Variants in OTUD7A observed in about 807,000 individuals in gnomAD.
The protein encoded by OTUD7A is OTU domain-containing protein 7A.
A neutral mutation model predicts 65.7 loss-of-function variants in OTUD7A; 12 were observed. The ratio of observed to expected loss-of-function variants is 0.18; its 90% CI spans 0.12 to 0.30. The LOEUF is 0.30. OTUD7A is among the 10% of genes least tolerant of loss of function. The pLI, the probability that OTUD7A is intolerant of heterozygous loss-of-function variation, is 1.00. For synonymous variants in OTUD7A, 641 were observed against 586.3 expected, an observed-to-expected ratio of 1.09 and a Z score of -1.35; for missense variants, 1,148 against 1,304.8, an observed-to-expected ratio of 0.88 and a Z score of 1.85.
In OTUD7A at chr15:31,870,510, C is replaced by A. The variant is rs1414918931; in HGVS notation, c.-103G>T. The A allele has an allele frequency of 9.4e-5, 14 of 148,562 alleles. No homozygotes were observed. The South Asian group carries it at 2.6e-3, about 27-fold the overall frequency. 9.2% of individuals were successfully genotyped at this position (148,562 alleles called of 1,614,324 possible). On this transcript the variant is annotated 5_prime_UTR_variant, in exon 1 of 13. Transcript: ENST00000307050. ...ACCGCGGCCAGCGCCGTCTTACCTG[C>A]CGCGCCGCGCCGCTCCGCTCCGCCA...
chr15:31,856,511 T>C (rs947000455), intron 1 of OTUD7A, among the ~76,000 whole-genome samples: 2 of 152,178 alleles, frequency 1.3e-5, no homozygotes, highest in African/African-American at 2.4e-5. Context: ...AGGAACAAAA[T>C]GCTGAGAGTG....
intron 1 of OTUD7A, among the ~76,000 whole-genome samples, chr15:31,847,676 G>A (rs566896095): frequency 2.6e-5 from 4 of 152,084 alleles, no homozygotes; most frequent in South Asian, 2.1e-4. Flanking sequence ...AAAGCCATGC[G>A]GACCTGTGTC....
At chr15:31,588,390 TA>T (rs1430764148) in intron 3 of OTUD7A, among the ~76,000 whole-genome samples, 1 of 152,128 alleles carries the variant, frequency 6.6e-6, no homozygotes, top group Non-Finnish European at 1.5e-5. Flanking sequence ...AAGGGAAAGG[TA>T]AACACAAACT....
intron 10 of OTUD7A, among the ~76,000 whole-genome samples, chr15:31,490,226 T>G (rs2041299832): frequency 1.3e-5 from 2 of 152,258 alleles, no homozygotes. Context: ...GCTTGCCCTC[T>G]GGTGGTAAAT....
At chr15:31,697,050 C>CT (rs903323092) in intron 1 of OTUD7A, among the ~76,000 whole-genome samples, 3 of 149,448 alleles carry the variant, frequency 2.0e-5, no homozygotes, top group Non-Finnish European at 4.5e-5. Context: ...CCTCTGCTTC[C>CT]TGACCTCACT....
chr15:31,511,098 G>A lies in OTUD7A; in HGVS notation c.894-7280C>T, dbSNP rs867771109. On this transcript the variant is annotated intron_variant, in intron 8 of 12. Coordinates refer to ENST00000307050, the MANE Select transcript of OTUD7A (RefSeq NM_001382637.1). ...GTATATCTATATGTAACATACATAT[G>A]TATATCTATATGTAACATACATATG... 1.0e-3 allele frequency among the ~76,000 whole-genome samples: 27 copies of A among 26,846 alleles called. 5 individuals are homozygous for A. The highest frequency in any genetic ancestry group is 8.2e-3 in the South Asian group (12 of 1,460). The allele number at this position is 26,846 out of a possible 152,430, so 17.6% of individuals were successfully genotyped here.
At chr15:31,659,077 AAATAAAAT>A (rs1166192343) in intron 1 of OTUD7A, among the ~76,000 whole-genome samples, 3,552 of 138,668 alleles carry the variant, frequency 0.026, 181 homozygotes, top group African/African-American at 0.092. Context: ...ATAAATAAAT[AAATAAAAT>A]AAAATTAAAA....
chr15:31,600,604 A>G (rs555121891), intron 3 of OTUD7A, among the ~76,000 whole-genome samples: 1 of 152,362 alleles, frequency 6.6e-6, no homozygotes, highest in East Asian at 1.9e-4. Flanking sequence ...AAATTCACAC[A>G]TAACAATATG....
intron 1 of OTUD7A, chr15:31,766,480 T>C (rs1895097581): frequency 7.5e-6 from 12 of 1,596,598 alleles, no homozygotes; most frequent in Non-Finnish European, 8.6e-6. Flanking sequence ...AGTTCTATTG[T>C]ACTTTTGCAG....
intron 9 of OTUD7A, among the ~76,000 whole-genome samples, chr15:31,503,008 A>G (rs914929690): frequency 6.6e-6 from 1 of 152,254 alleles, no homozygotes; most frequent in African/African-American, 2.4e-5. Context: ...GGGCAGCTGC[A>G]CGCTGGAGGG....
intron 9 of OTUD7A, among the ~76,000 whole-genome samples, chr15:31,503,444 G>A (rs780301256): frequency 3.3e-5 from 5 of 152,196 alleles, no homozygotes; most frequent in Non-Finnish European, 7.3e-5. Flanking sequence ...GAGCCCCTCT[G>A]GGCTTGGTCC....
At chr15:31,690,130 T>A (rs1892929762) in intron 1 of OTUD7A, among the ~76,000 whole-genome samples, 1 of 152,206 alleles carries the variant, frequency 6.6e-6, no homozygotes, top group East Asian at 1.9e-4. Context: ...CTAATTCCCA[T>A]CTCTTCCTCT....
At chr15:31,527,721 A>C (rs1157013893) in intron 6 of OTUD7A, among the ~76,000 whole-genome samples, 2 of 152,182 alleles carry the variant, frequency 1.3e-5, no homozygotes, top group Non-Finnish European at 2.9e-5. Flanking sequence ...GGCCATTAGC[A>C]TCCTGGCTTC....
rs560655440 is a variant in OTUD7A at position 31,532,602 on chromosome 15, G to A, written c.551-1794C>T. On this transcript the variant is annotated intron_variant, in intron 5 of 12. Transcript: ENST00000307050. ...GGACTGCGACAAAAGTCTGGAGTCC[G>A]TAGAAGAGGCGAAATAAGGTAGAGC... 7.9e-5 allele frequency among the ~76,000 whole-genome samples: 12 copies of A among 151,908 alleles called. No individual in the cohort carries two copies. In the South Asian group the frequency reaches 1.9e-3, roughly 24 times the overall value.
intron 1 of OTUD7A, among the ~76,000 whole-genome samples, chr15:31,735,945 C>A (rs1245062026): frequency 6.6e-6 from 1 of 152,164 alleles, no homozygotes; most frequent in Non-Finnish European, 1.5e-5. Context: ...TTATCCTTAA[C>A]AAACTAACGC....
intron 5 of OTUD7A, among the ~76,000 whole-genome samples, chr15:31,542,042 G>T (rs761043435): frequency 1.3e-5 from 2 of 152,076 alleles, no homozygotes; most frequent in Non-Finnish European, 2.9e-5. Flanking sequence ...AGTACCAAAG[G>T]TAATTCCTCT....
chr15:31,605,697 C>T (rs545601651), intron 3 of OTUD7A, among the ~76,000 whole-genome samples: 1 of 152,346 alleles, frequency 6.6e-6, no homozygotes, highest in South Asian at 2.1e-4. Flanking sequence ...TCTTAAATGG[C>T]TTAATCTATG....
At chr15:31,725,174 T>G (rs1253631973) in intron 1 of OTUD7A, among the ~76,000 whole-genome samples, 2 of 152,112 alleles carry the variant, frequency 1.3e-5, no homozygotes, top group Non-Finnish European at 2.9e-5. Context: ...TGCCCTATTC[T>G]CCAAAGAGGA....
intron 1 of OTUD7A, among the ~76,000 whole-genome samples, chr15:31,805,544 C>T (rs1265014944): frequency 6.6e-6 from 1 of 152,174 alleles, no homozygotes; most frequent in Non-Finnish European, 1.5e-5. Context: ...TAAAGGGAGG[C>T]CTGTGATTTA....
Sources: allele counts gnomAD v4.1 joint callset (sites outside exome capture counted in the v4.1 genomes callset), GRCh38; gene constraint gnomAD v4.1.1; transcripts MANE v1.5; gene names NCBI Gene and HGNC (gene_info 2026-07-23, HGNC 2026-07-21).